EHD2: variants seen among roughly 807,000 people sequenced by gnomAD.
The protein encoded by EHD2 is EH domain containing 2.
EHD2 carries 27 observed loss-of-function variants against 41.0 expected under a neutral mutation model. That is an observed-to-expected ratio of 0.66 (90% CI 0.49 to 0.91). The LOEUF is 0.91. Among genes scored for constraint, EHD2 ranks in the 40% least tolerant of loss-of-function variants. The probability of loss-of-function intolerance (pLI) is 0.00; values close to 1 mark genes in which losing one functional copy is unlikely to be tolerated. For missense variants in EHD2, 673 were observed against 773.9 expected, an observed-to-expected ratio of 0.87 and a Z score of 1.55; for synonymous variants, 342 against 341.0, an observed-to-expected ratio of 1.00 and a Z score of -0.03.
chr19:47,726,571 C>T (rs1973755764), intron 4 of EHD2, among the ~76,000 whole-genome samples: 1 of 151,216 alleles, frequency 6.6e-6, no homozygotes, highest in South Asian at 2.1e-4. Flanking sequence ...CCTCCTCCTT[C>T]TTCTCTTTCT....
At chr19:47,739,750 G>GT (rs553454212) in intron 5 of EHD2, among the ~76,000 whole-genome samples, 2,019 of 145,068 alleles carry the variant, frequency 0.014, 12 homozygotes, top group Middle Eastern at 0.025. Context: ...AGCCTGCTGA[G>GT]TTTTTTTTTT....
At chr19:47,722,892 A>G (rs1189724693) in intron 3 of EHD2, among the ~76,000 whole-genome samples, 6 of 152,162 alleles carry the variant, frequency 3.9e-5, no homozygotes, top group African/African-American at 1.4e-4. Flanking sequence ...TCTGTGCCTC[A>G]GTTTCCTCAT....
At chr19:47,724,148 G>A (rs1011685465) in intron 3 of EHD2, among the ~76,000 whole-genome samples, 3 of 143,382 alleles carry the variant, frequency 2.1e-5, no homozygotes, top group South Asian at 2.2e-4. Context: ...ATGCTATCTC[G>A]GCTCACTGCA....
chr19:47,723,548 C>T (rs990296852), intron 3 of EHD2, among the ~76,000 whole-genome samples: 4 of 145,788 alleles, frequency 2.7e-5, no homozygotes, highest in African/African-American at 5.1e-5. Context: ...CCCAGCTACT[C>T]GGGAGGCTGA....
chr19:47,731,279 A>AAAAAAAATATAT, intron 4 of EHD2: 3 of 60,932 alleles, frequency 4.9e-5, no homozygotes, highest in African/African-American at 9.8e-5. Context: ...AAAAAAAAAA[A>AAAAAAAATATAT]ATATATATAT....
intron 3 of EHD2, among the ~76,000 whole-genome samples, 189 bp from the exon 4 acceptor site, chr19:47,725,623 A>G (rs535433106): frequency 2.0e-5 from 3 of 152,314 alleles, no homozygotes; most frequent in East Asian, 1.9e-4. Flanking sequence ...AATTCTGGGC[A>G]CTGGAGAGCC....
At chr19:47,729,286 G>A (rs1973784100) in intron 4 of EHD2, among the ~76,000 whole-genome samples, 1 of 152,094 alleles carries the variant, frequency 6.6e-6, no homozygotes, top group Non-Finnish European at 1.5e-5. Flanking sequence ...TCAATTAGAG[G>A]CTGAGGATGT....
At chr19:47,740,798 C>T in intron 5 of EHD2, 83 bp from the exon 6 acceptor site, 1 of 1,461,474 alleles carries the variant, frequency 6.8e-7, no homozygotes, top group African/African-American at 1.4e-5. Flanking sequence ...CGAGCTTCTC[C>T]AGTGTCCTGA....
chr19:47,728,464 T>C (rs1177201185), intron 4 of EHD2, among the ~76,000 whole-genome samples: 1 of 152,126 alleles, frequency 6.6e-6, no homozygotes, highest in East Asian at 1.9e-4. Flanking sequence ...TTCTTTACCC[T>C]AACCCTGTTG....
chr19:47,729,811 GTC>G (rs913353837), intron 4 of EHD2: 24 of 152,338 alleles, frequency 1.6e-4, no homozygotes, highest in Non-Finnish European at 1.8e-4. Flanking sequence ...GCTCTGCAGT[GTC>G]TCTCTCTCTC....
intron 4 of EHD2, among the ~76,000 whole-genome samples, chr19:47,728,117 A>T (rs909569988): frequency 2.0e-5 from 3 of 147,972 alleles, no homozygotes; most frequent in African/African-American, 5.2e-5. Context: ...AAAAAAAAAG[A>T]TGAATTTATT....
Position 47,716,701 on chromosome 19 carries a change from G to A in EHD2, c.89G>A (p.Arg30His), listed in dbSNP as rs201716618. Reference sequence around the variant, plus strand: ...ACCTCGGCCCTCAAGGAGCTGTACCGCACGAAGCTGCTGCCGCTGGAGGAG... The same window carrying A: ...ACCTCGGCCCTCAAGGAGCTGTACCACACGAAGCTGCTGCCGCTGGAGGAG... Reference protein sequence around the residue: ...TVTSALKELYRTKLLPLEEHY... With the variant: ...TVTSALKELYHTKLLPLEEHY... Residue 30 changes from arginine (R) to histidine (H), a missense_variant, in exon 2 of 6, where the codon CGC (arginine) becomes CAC (histidine). Arg to His is a conservative substitution (Grantham distance 29). Transcript: ENST00000263277. The A allele has an allele frequency of 1.4e-5, 22 of 1,612,056 alleles. No homozygotes were observed. The highest frequency in any genetic ancestry group is 5.0e-5 in the Admixed American group (3 of 59,866).
chr19:47,741,447 C>A lies in EHD2; in HGVS notation c.*15C>A. On this transcript the variant is annotated 3_prime_UTR_variant, in exon 6 of 6. Coordinates refer to ENST00000263277, the MANE Select transcript of EHD2 (RefSeq NM_014601.4). This position sits in a 1 kb window ranked among gnomAD's most constrained non-coding sequence, Gnocchi z 4.5. ...CCGCCGAGTGAGCCGGCCCCCCTCC[C>A]ATGGCCCTGCTGTGGCTCCCCAGCT... The A allele has an allele frequency of 1.3e-6, 2 of 1,556,074 alleles. No individual in the cohort carries two copies. Among genetic ancestry groups the A allele is most frequent in the East Asian group, 2.4e-5 (1 of 42,216 alleles).
At position 47,731,062 on chromosome 19, in the gene EHD2, G is replaced by A. The variant is rs573099700; in HGVS notation, c.915+4838G>A. The stretch of plus-strand genomic sequence containing the variant: ...AGAGGAAGGGGTAAGAGGAAGGGGT[G>A]AGCCGAGTGGCGATCGGGTGGAAGA... On this transcript the variant is annotated intron_variant, in intron 4 of 5. Coordinates refer to ENST00000263277, the MANE Select transcript of EHD2 (RefSeq NM_014601.4). Among the ~76,000 whole-genome samples, 30 of 151,418 alleles carry A rather than the reference G, an allele frequency of 2.0e-4. No homozygotes were observed. The East Asian group carries it at 5.7e-3, about 29-fold the overall frequency.
At chr19:47,721,470 T>C (rs1973696208) in intron 3 of EHD2, among the ~76,000 whole-genome samples, 1 of 151,720 alleles carries the variant, frequency 6.6e-6, no homozygotes, top group South Asian at 2.1e-4. Flanking sequence ...CCTGCCACCA[T>C]GCCCGGCTAA....
chr19:47,731,287 T>TATATATATATGTATATAC (rs1568591796), intron 4 of EHD2: 2 of 81,082 alleles, frequency 2.5e-5, no homozygotes, highest in African/African-American at 7.2e-5. Flanking sequence ...AAAATATATA[T>TATATATATATGTATATAC]ATATATATAT....
In EHD2 at chr19:47,726,184, G is replaced by T; in HGVS notation, c.875G>T (p.Arg292Leu). The T allele has an allele frequency of 1.3e-6, 2 of 1,560,598 alleles. No homozygotes were observed. The highest frequency in any genetic ancestry group is 1.7e-6 in the Non-Finnish European group (2 of 1,153,986). The change falls in exon 4 of 6, where the codon CGC becomes CTC. Residue 292 changes from arginine (R) to leucine (L), a missense_variant. Physicochemically the swap from Arg to Leu is moderately radical, Grantham distance 102 (BLOSUM62 -2). Coordinates refer to ENST00000263277, the MANE Select transcript of EHD2 (RefSeq NM_014601.4). Reference sequence around the variant, plus strand: ...GGCCTGCCCCGGCACGCAGCCTTGCGCAAGCTCAACGACCTGGTGAAGAGG... The same window carrying T: ...GGCCTGCCCCGGCACGCAGCCTTGCTCAAGCTCAACGACCTGGTGAAGAGG... The part of the protein sequence containing the change: ...IQGLPRHAAL[R>L]KLNDLVKRAR...
At position 47,741,378 on chromosome 19, in the gene EHD2, G is replaced by C. The variant is rs534913286; in HGVS notation, c.1578G>C (p.Leu526=). The C allele has an allele frequency of 7.5e-6, 12 of 1,603,236 alleles. No homozygotes were observed. The highest frequency in any genetic ancestry group is 1.0e-5 in the Non-Finnish European group (12 of 1,178,500). Residue 526 remains leucine (L), a synonymous_variant, in exon 6 of 6, where the codon CTG becomes CTC. Transcript: ENST00000263277. This position sits in a 1 kb window ranked among gnomAD's most constrained non-coding sequence, Gnocchi z 4.5. ...KLEGHGLPAN[L]PRRLVPPSKR... is the part of the protein sequence containing the mutation. ...AAGGCCACGGGCTGCCCGCCAACCT[G>C]CCCCGTCGCCTGGTGCCACCCTCCA...
rs372275104 is a variant in EHD2, at chr19:47,742,242, A to C, written c.*810A>C. 3 of 321,836 alleles carry C rather than the reference A, an allele frequency of 9.3e-6. No homozygotes were observed. Among genetic ancestry groups the C allele is most frequent in the Non-Finnish European group, 1.2e-5 (2 of 169,578 alleles). The allele number at this position is 321,836 out of a possible 1,614,324, so 19.9% of individuals were successfully genotyped here. A position where few individuals can be genotyped will look rare whatever the true frequency, so the allele number is the denominator to read the frequency against. On this transcript the variant is annotated 3_prime_UTR_variant, in exon 6 of 6. Transcript: ENST00000263277. ...TTCCTTCTTTTTTGTTTTTGCCCCC[A>C]GTTCTGTCCACACCCCTTCCCTTTC...
Sources: gnomAD v4.1 joint callset for allele counts (sites outside exome capture counted in the v4.1 genomes callset) on GRCh38, gnomAD v4.1.1 for gene constraint, Gnocchi (gnomAD v3.1) non-coding constraint, MANE v1.5 for transcripts, NCBI Gene and HGNC (gene_info 2026-07-23, HGNC 2026-07-21) for gene names.